KCNQ1: variants seen among roughly 807,000 people sequenced by gnomAD.
KCNQ1 encodes potassium voltage-gated channel subfamily Q member 1.
KCNQ1 carries 49 observed loss-of-function variants against 72.4 expected under a neutral mutation model. The observed-to-expected ratio is 0.68, with a 90% CI of 0.54 to 0.86. KCNQ1 has a LOEUF of 0.86. KCNQ1 is among the 40% of genes least tolerant of loss of function. The pLI is 0.00. For missense variants in KCNQ1, 790 were observed against 945.1 expected (o/e 0.84, Z 2.15); for synonymous variants, 450 against 412.6 (o/e 1.09, Z -1.10).
At chr11:2,641,941 TA>T in intron 10 of KCNQ1, 1 of 398,482 alleles carries the variant, frequency 2.5e-6, no homozygotes, top group South Asian at 1.3e-4. Context: ...CAGTTGGCTG[TA>T]AATACATGGA....
At chr11:2,499,527 C>CCCG (rs1846975354) in intron 1 of KCNQ1, among the ~76,000 whole-genome samples, 1 of 132,056 alleles carries the variant, frequency 7.6e-6, no homozygotes, top group Non-Finnish European at 1.7e-5. Flanking sequence ...TGGACCCCTG[C>CCCG]CCCCACAAAA....
At chr11:2,776,802 C>T (rs1253564348) in intron 13 of KCNQ1, among the ~76,000 whole-genome samples, 184 bp from the exon 14 acceptor site, 3 of 152,208 alleles carry the variant, frequency 2.0e-5, no homozygotes, top group Non-Finnish European at 4.4e-5. Context: ...TCAGCCCCCT[C>T]GGGAGCATGG....
intron 2 of KCNQ1, among the ~76,000 whole-genome samples, chr11:2,534,135 C>A (rs1256087970): frequency 6.6e-6 from 1 of 152,170 alleles, no homozygotes; most frequent in African/African-American, 2.4e-5. Flanking sequence ...AGTTTCCCTC[C>A]CAGCAGCAAA....
In KCNQ1 at chr11:2,483,614, C is replaced by A. The variant is rs182070639; in HGVS notation, c.386+38130C>A. 2.6e-5 allele frequency among the ~76,000 whole-genome samples: 4 copies of A among 152,118 alleles called. No individual in the cohort carries two copies. Among genetic ancestry groups the A allele is most frequent in the South Asian group, 2.1e-4 (1 of 4,824 alleles). On this transcript the variant is annotated intron_variant, in intron 1 of 15. Coordinates refer to ENST00000155840, the MANE Select transcript of KCNQ1 (RefSeq NM_000218.3). This position sits in a 1 kb window ranked among gnomAD's most constrained non-coding sequence, Gnocchi z 6.1. ...CTTGATGTTTTAGATAAGTACTGGG[C>A]GGCTGTTTTGTAGAACGTCCCTCGG...
At position 2,817,505 on chromosome 11, in the gene KCNQ1, C is replaced by A. The variant is rs1847640888; in HGVS notation, c.1795-30262C>A. Among the ~76,000 whole-genome samples the A allele has an allele frequency of 6.6e-6, 1 of 152,148 alleles. No individual in the cohort carries two copies. Among genetic ancestry groups the A allele is most frequent in the African/African-American group, 2.4e-5 (1 of 41,418 alleles). ...CTGCTGGGGCATTTCAGATCCTGAG[C>A]AGCATGTACCCTGTGAAAGAACAGG... is the stretch of plus-strand genomic sequence containing the variant. On this transcript the variant is annotated intron_variant, in intron 15 of 15. Coordinates refer to ENST00000155840, the MANE Select transcript of KCNQ1 (RefSeq NM_000218.3). The surrounding 1 kb of genome is among the most constrained non-coding windows in gnomAD (Gnocchi z 6.1).
At chr11:2,578,375 C>T (rs190278837) in intron 6 of KCNQ1, among the ~76,000 whole-genome samples, 201 of 152,328 alleles carry the variant, frequency 1.3e-3, no homozygotes, top group African/African-American at 4.3e-3. Context: ...AGGTGGGGCC[C>T]GAGGCCCTCA....
In KCNQ1 at chr11:2,564,958, G is replaced by A. The variant is rs1047508113; in HGVS notation, c.478-5670G>A. Among the ~76,000 whole-genome samples the A allele has an allele frequency of 2.6e-5, 4 of 152,174 alleles. No homozygotes were observed. The highest frequency in any genetic ancestry group is 9.7e-5 in the African/African-American group (4 of 41,426). On this transcript the variant is annotated intron_variant, in intron 2 of 15. Transcript: ENST00000155840. The surrounding 1 kb of genome is among the most constrained non-coding windows in gnomAD (Gnocchi z 4.5). Reference sequence around the variant, plus strand: ...CCAAATCCTATTCCGTGGTAGGGAGGGACCACATCTTCCGTCTCCGTCGGT... The same window carrying A: ...CCAAATCCTATTCCGTGGTAGGGAGAGACCACATCTTCCGTCTCCGTCGGT...
In KCNQ1 at chr11:2,783,585, C is replaced by G. The variant is rs1036162644; in HGVS notation, c.1794+5548C>G. On this transcript the variant is annotated intron_variant, in intron 15 of 15. Coordinates refer to ENST00000155840, the MANE Select transcript of KCNQ1 (RefSeq NM_000218.3). The surrounding 1 kb of genome is among the most constrained non-coding windows in gnomAD (Gnocchi z 5.2). ...TTTAACTTTCTAAGAAACTTCTAAA[C>G]TGTTTCCAAAGGATTTATACCATTT... 6.6e-6 allele frequency among the ~76,000 whole-genome samples: 1 copy of G among 152,048 alleles called. No homozygotes were observed.
chr11:2,454,999 A>T (rs1306617414), intron 1 of KCNQ1, among the ~76,000 whole-genome samples: 1 of 152,216 alleles, frequency 6.6e-6, no homozygotes, highest in African/African-American at 2.4e-5. Context: ...ACCGATGATG[A>T]TAAGATTCTA....
chr11:2,585,088 G>A (rs1366207862), intron 7 of KCNQ1, 124 bp from the exon 8 acceptor site: 2 of 848,472 alleles, frequency 2.4e-6, no homozygotes, highest in Non-Finnish European at 4.1e-6. Context: ...GTGGGACTTG[G>A]GGGGGCTTCC....
chr11:2,708,707 C>T (rs7103496), intron 11 of KCNQ1, among the ~76,000 whole-genome samples: 17,038 of 152,074 alleles, frequency 0.11, 1,142 homozygotes, highest in African/African-American at 0.16. Flanking sequence ...ACAGTTTATA[C>T]GCGGGTTGCG....
chr11:2,557,948 C>G (rs1052965828), intron 2 of KCNQ1, among the ~76,000 whole-genome samples: 1 of 152,226 alleles, frequency 6.6e-6, no homozygotes, highest in Non-Finnish European at 1.5e-5. Context: ...CAAATCTAAC[C>G]TACCTCAAAA....
chr11:2,753,605 G>A (rs1254293730), intron 11 of KCNQ1, among the ~76,000 whole-genome samples: 1 of 152,150 alleles, frequency 6.6e-6, no homozygotes, highest in Non-Finnish European at 1.5e-5. Flanking sequence ...GTGGCTTTTG[G>A]TATATTCAGA....
At position 2,785,749 on chromosome 11, in the gene KCNQ1, T is replaced by C. The variant is rs1217035323; in HGVS notation, c.1794+7712T>C. Among the ~76,000 whole-genome samples the C allele has an allele frequency of 6.6e-6, 1 of 152,046 alleles. No homozygotes were observed. Among genetic ancestry groups the C allele is most frequent in the African/African-American group, 2.4e-5 (1 of 41,456 alleles). On this transcript the variant is annotated intron_variant, in intron 15 of 15. Coordinates refer to ENST00000155840, the MANE Select transcript of KCNQ1 (RefSeq NM_000218.3). The surrounding 1 kb of genome is among the most constrained non-coding windows in gnomAD (Gnocchi z 4.4). Reference sequence around the variant, plus strand: ...CTCTTTCTTGCCTCTCATTAGATTATTACTTCTCATTCTACTTTTCTCTCT... The same window carrying C: ...CTCTTTCTTGCCTCTCATTAGATTACTACTTCTCATTCTACTTTTCTCTCT...
intron 8 of KCNQ1, among the ~76,000 whole-genome samples, chr11:2,586,941 A>G (rs1848600723): frequency 6.6e-6 from 1 of 151,538 alleles, no homozygotes; most frequent in African/African-American, 2.4e-5. Flanking sequence ...TCCCCTGCCG[A>G]TAGTGTCCCC....
chr11:2,797,857 A>G (rs1847170183), intron 15 of KCNQ1, among the ~76,000 whole-genome samples: 1 of 151,840 alleles, frequency 6.6e-6, no homozygotes, highest in African/African-American at 2.4e-5. Context: ...TCCCCCAGGC[A>G]CAGGGGATAC....
At chr11:2,574,222 A>G (rs1848384490) in intron 6 of KCNQ1, among the ~76,000 whole-genome samples, 1 of 152,128 alleles carries the variant, frequency 6.6e-6, no homozygotes, top group African/African-American at 2.4e-5. Context: ...TGGCACCATC[A>G]CACCTTGGGG....
At chr11:2,573,698 C>T (rs1848375544) in intron 6 of KCNQ1, among the ~76,000 whole-genome samples, 2 of 152,172 alleles carry the variant, frequency 1.3e-5, no homozygotes, top group African/African-American at 4.8e-5. Context: ...AGCCGGTGTG[C>T]AGCAGGCAGA....
At chr11:2,733,814 A>ACACACACTCTCTCTCTCTCTCTCT in intron 11 of KCNQ1, among the ~76,000 whole-genome samples, 1 of 86,614 alleles carries the variant, frequency 1.2e-5, no homozygotes, top group Non-Finnish European at 2.4e-5. Context: ...ACACACACAC[A>ACACACACTCTCTCTCTCTCTCTCT]CTCTCTCACT....
Sources: allele counts gnomAD v4.1 joint callset (sites outside exome capture counted in the v4.1 genomes callset), GRCh38; gene constraint gnomAD v4.1.1; non-coding constraint Gnocchi (gnomAD v3.1); transcripts MANE v1.5; gene names NCBI Gene and HGNC (gene_info 2026-07-23, HGNC 2026-07-21).